The following TRIM65 variants were observed in gnomAD, a reference collection of about 807,000 sequenced individuals.
The protein encoded by TRIM65 is E3 ubiquitin-protein ligase TRIM65.
A neutral mutation model predicts 36.1 loss-of-function variants in TRIM65; 46 were observed. The observed-to-expected ratio is 1.27, with a 90% confidence interval of 1.01 to 1.63. The LOEUF (loss-of-function observed/expected upper bound fraction) is 1.63, where lower values mean the gene tolerates loss of function less well. Among genes scored for constraint, TRIM65 ranks in the 40% most tolerant of loss-of-function variants. The pLI is 0.00. For missense variants in TRIM65, 708 were observed against 696.6 expected (o/e 1.02, Z -0.18); for synonymous variants, 346 against 313.6 (o/e 1.10, Z -1.09).
Position 75,892,601 on chromosome 17 carries a change from G to C in TRIM65, c.511-101C>G, listed in dbSNP as rs993608785. ...CTGCTGGGCTGAGGGTCAGGGATGT[G>C]GGGAGGCAGGGTCCCGGGAACCTCC... On this transcript the variant is annotated intron_variant, in intron 2 of 5. Coordinates refer to ENST00000269383, the MANE Select transcript of TRIM65 (RefSeq NM_173547.4). 21 of 1,261,020 alleles carry C rather than the reference G, an allele frequency of 1.7e-5. No individual in the cohort carries two copies. In the Admixed American group the frequency reaches 4.6e-4, roughly 28 times the overall value. 78.1% of individuals were successfully genotyped at this position (1,261,020 alleles called of 1,614,324 possible).
In TRIM65 at chr17:75,891,052, G is replaced by A; in HGVS notation, c.1281C>T (p.Val427=). 6.2e-7 allele frequency: 1 copy of A among 1,612,558 alleles called. No individual in the cohort carries two copies. The highest frequency in any genetic ancestry group is 8.5e-7 in the Non-Finnish European group (1 of 1,179,678). Residue 427 remains valine (V), a synonymous_variant, in exon 6 of 6, where the codon GTC becomes GTT. Coordinates refer to ENST00000269383, the MANE Select transcript of TRIM65 (RefSeq NM_173547.4). ...GRGPCSWGLC[V]QEDSLQAWHN... is the part of the protein sequence containing the mutation. ...GCCAGGCCTGGAGGCTGTCCTCCTGGACGCAGAGCCCCCAGGAGCAGGGTC... is the reference window on the plus strand; with the variant it reads ...GCCAGGCCTGGAGGCTGTCCTCCTGAACGCAGAGCCCCCAGGAGCAGGGTC...
rs140925999 is a variant in TRIM65 at position 75,892,039 on chromosome 17, TG to T, written c.890del (p.Pro297GlnfsTer7). 128 of 1,551,092 alleles carry T rather than the reference TG, an allele frequency of 8.3e-5. 1 individual carries two copies. Among genetic ancestry groups the T allele is most frequent in the Non-Finnish European group, 1.1e-4 (122 of 1,146,818 alleles). On this transcript the variant is annotated frameshift_variant, in exon 4 of 6. Coordinates refer to ENST00000269383, the MANE Select transcript of TRIM65 (RefSeq NM_173547.4). LOFTEE classifies it high-confidence loss of function. The stretch of plus-strand genomic sequence containing the variant: ...CGGGGGCTAAGTCCACAGGCTTGGC[TG>T]GTGCCCCAGGGTGGCTCCCCTCTTC... Reference protein sequence around the residue: ...LLEEGSHPGAPAKPVDLAPVE... With the variant: ...LLEEGSHPGAXAKPVDLAPVE...
chr17:75,895,074 ACT>A (rs1443791385), intron 1 of TRIM65, among the ~76,000 whole-genome samples: 1 of 151,910 alleles, frequency 6.6e-6, no homozygotes, highest in Non-Finnish European at 1.5e-5. Flanking sequence ...CCAAGGCCAA[ACT>A]CTGCCCTCCA....
intron 1 of TRIM65, among the ~76,000 whole-genome samples, chr17:75,894,774 C>T (rs547176840): frequency 1.3e-5 from 2 of 152,368 alleles, no homozygotes; most frequent in South Asian, 2.1e-4. Context: ...CGTGATCCAC[C>T]GGCCTCCGCC....
At position 75,892,262 on chromosome 17, in the gene TRIM65, C is replaced by A. The variant is rs9914840; in HGVS notation, c.744+5G>T. 9 of 1,608,508 alleles carry A rather than the reference C, an allele frequency of 5.6e-6. No individual in the cohort carries two copies. The South Asian group carries it at 8.9e-5, about 16-fold the overall frequency. The stretch of plus-strand genomic sequence containing the variant: ...GTCCGCCACCTATGCCCTGAGCCCT[C>A]GCACCTGCAGGAAGGTCTGCTCATC... On this transcript the variant is annotated splice_donor_5th_base_variant and intron_variant, in intron 3 of 5. Transcript: ENST00000269383.
chr17:75,888,710 T>C (rs1237143293), downstream of TRIM65, among the ~76,000 whole-genome samples: 1 of 152,230 alleles, frequency 6.6e-6, no homozygotes, highest in African/African-American at 2.4e-5. Context: ...GCTGTGGGGC[T>C]GCACATGTCA....
At chr17:75,883,593 T>C (rs2065183997) in intron 4 of TRIM65, among the ~76,000 whole-genome samples, 1 of 132,438 alleles carries the variant, frequency 7.6e-6, no homozygotes, top group Non-Finnish European at 1.5e-5. Flanking sequence ...AGTGGCGCCA[T>C]CTTGGCTCAC....
downstream of TRIM65, among the ~76,000 whole-genome samples, chr17:75,887,646 C>CA (rs35086337): frequency 7.5e-3 from 675 of 90,220 alleles, 13 homozygotes; most frequent in East Asian, 0.097. Context: ...GACTCCGTCT[C>CA]AAAAAAAAAA....
intron 1 of TRIM65, 97 bp from the exon 2 acceptor site, chr17:75,892,947 A>AT: frequency 5.4e-6 from 6 of 1,107,018 alleles, no homozygotes; most frequent in Non-Finnish European, 6.5e-6. Context: ...GACACCAGGC[A>AT]GCCCCTCCCC....
At chr17:75,896,271 G>A (rs2065344854) in intron 1 of TRIM65, among the ~76,000 whole-genome samples, 1 of 152,194 alleles carries the variant, frequency 6.6e-6, no homozygotes, top group African/African-American at 2.4e-5. Context: ...TAGCCAGGAT[G>A]GTCTCGATCT....
chr17:75,892,733 C>T (rs755535736), intron 2 of TRIM65, 22 bp downstream of exon 2: 34 of 1,592,938 alleles, frequency 2.1e-5, no homozygotes, highest in South Asian at 3.3e-5. Flanking sequence ...CCATGGTGGG[C>T]GGGCAGGCAC....
chr17:75,882,234 G>A (rs1407006234), intron 4 of TRIM65, among the ~76,000 whole-genome samples: 1 of 149,948 alleles, frequency 6.7e-6, no homozygotes, highest in Non-Finnish European at 1.5e-5. Flanking sequence ...TTCAAATGGA[G>A]TCTCGCTCTG....
downstream of TRIM65, among the ~76,000 whole-genome samples, chr17:75,886,521 C>CAAAAAAA (rs537579897): frequency 1.3e-5 from 1 of 77,014 alleles, no homozygotes. Flanking sequence ...GACTCCGTTT[C>CAAAAAAA]AAAAAAAAAA....
chr17:75,884,570 C>T (rs1214329413), downstream of TRIM65, among the ~76,000 whole-genome samples: 2 of 152,178 alleles, frequency 1.3e-5, no homozygotes, highest in South Asian at 2.1e-4. Flanking sequence ...TTTCTTTTAG[C>T]GTCTGCCTCC....
intron 1 of TRIM65, among the ~76,000 whole-genome samples, chr17:75,894,860 C>A (rs1003891934): frequency 1.6e-4 from 24 of 152,256 alleles, no homozygotes; most frequent in Admixed American, 1.6e-3. Context: ...CGGCCCCCTC[C>A]TGCTCCTGGC....
Position 75,891,102 on chromosome 17 carries a change from G to A in TRIM65, c.1231C>T (p.Pro411Ser). 1.9e-6 allele frequency: 3 copies of A among 1,609,716 alleles called. No homozygotes were observed. The highest frequency in any genetic ancestry group is 2.5e-6 in the Non-Finnish European group (3 of 1,179,874). The change falls in exon 6 of 6, where the codon CCC becomes TCC. Residue 411 changes from proline to serine, a missense_variant. Transcript: ENST00000269383. Reference sequence around the variant, plus strand: ...CCCCGGCCAATGTTGTCTGTGTGGGGCCCCAGCCTGCACCGTGGCAGTTGC... The same window carrying A: ...CCCCGGCCAATGTTGTCTGTGTGGGACCCCAGCCTGCACCGTGGCAGTTGC... The part of the protein sequence containing the change: ...YPQLPRCRLG[P>S]HTDNIGRGPC...
At chr17:75,883,684 C>T (rs1054172957) in intron 4 of TRIM65, among the ~76,000 whole-genome samples, 3 of 151,726 alleles carry the variant, frequency 2.0e-5, no homozygotes, top group East Asian at 3.9e-4. Context: ...CCTGCCACCA[C>T]GCCTGGCTAA....
At chr17:75,891,537 G>C (rs528386522) in intron 5 of TRIM65, among the ~76,000 whole-genome samples, 190 bp from the exon 6 acceptor site, 12 of 152,218 alleles carry the variant, frequency 7.9e-5, no homozygotes, top group Non-Finnish European at 1.5e-4. Flanking sequence ...GGGGCTCTGA[G>C]AGCCATTAAC....
At chr17:75,894,786 C>T (rs988498476) in intron 1 of TRIM65, among the ~76,000 whole-genome samples, 3 of 152,380 alleles carry the variant, frequency 2.0e-5, no homozygotes, top group African/African-American at 7.2e-5. Flanking sequence ...GCCTCCGCCT[C>T]CCAAAGTGCT....
Sources: gnomAD v4.1 joint callset for allele counts (sites outside exome capture counted in the v4.1 genomes callset) on GRCh38, gnomAD v4.1.1 for gene constraint, MANE v1.5 for transcripts, NCBI Gene and HGNC (gene_info 2026-07-23, HGNC 2026-07-21) for gene names.